AK5: variants seen among roughly 807,000 people sequenced by gnomAD.
AK5 encodes adenylate kinase isoenzyme 5.
A neutral mutation model predicts 69.5 loss-of-function variants in AK5; 27 were observed. The ratio of observed to expected loss-of-function variants is 0.39; its 90% CI spans 0.29 to 0.54. The LOEUF (loss-of-function observed/expected upper bound fraction) is 0.54. Among genes scored for constraint, AK5 ranks in the 20% least tolerant of loss-of-function variants. The pLI is 0.71. For synonymous variants in AK5, 260 were observed against 244.4 expected, an observed-to-expected ratio of 1.06 and a Z score of -0.60; for missense variants, 531 against 700.4, an observed-to-expected ratio of 0.76 and a Z score of 2.73.
intron 6 of AK5, among the ~76,000 whole-genome samples, chr1:77,392,484 C>T (rs1289072795): frequency 6.6e-6 from 1 of 152,184 alleles, no homozygotes; most frequent in Admixed American, 6.5e-5. Flanking sequence ...CTAATGTTTT[C>T]TTAAAGTGAG....
intron 10 of AK5, among the ~76,000 whole-genome samples, chr1:77,497,216 G>A (rs749678252): frequency 2.6e-5 from 4 of 152,156 alleles, no homozygotes; most frequent in African/African-American, 9.7e-5. Context: ...AACGCTCACT[G>A]CGAAGGTCTG....
intron 8 of AK5, among the ~76,000 whole-genome samples, chr1:77,473,377 C>T (rs1654640841): frequency 6.6e-6 from 1 of 152,102 alleles, no homozygotes; most frequent in Admixed American, 6.6e-5. Flanking sequence ...GACACCATGC[C>T]CAGCCTCAGA....
intron 5 of AK5, among the ~76,000 whole-genome samples, chr1:77,302,923 C>G (rs1166240881): frequency 6.6e-6 from 1 of 152,148 alleles, no homozygotes; most frequent in Admixed American, 6.5e-5. Flanking sequence ...AATGACATAA[C>G]AGGGGTTATC....
At chr1:77,342,096 C>T (rs1351430567) in intron 6 of AK5, among the ~76,000 whole-genome samples, 1 of 152,078 alleles carries the variant, frequency 6.6e-6, no homozygotes, top group Non-Finnish European at 1.5e-5. Flanking sequence ...GATGGGGTTT[C>T]ACCATGTTGG....
At chr1:77,433,352 G>C (rs1651764174) in intron 8 of AK5, among the ~76,000 whole-genome samples, 1 of 152,084 alleles carries the variant, frequency 6.6e-6, no homozygotes, top group Non-Finnish European at 1.5e-5. Context: ...AATATGTTTA[G>C]TTTTATCAAA....
At chr1:77,364,643 T>A (rs1162787420) in intron 6 of AK5, among the ~76,000 whole-genome samples, 2 of 152,212 alleles carry the variant, frequency 1.3e-5, no homozygotes, top group African/African-American at 4.8e-5. Context: ...TGTTCCTGGC[T>A]TATTTTACTT....
intron 6 of AK5, among the ~76,000 whole-genome samples, chr1:77,396,763 C>G (rs1207545746): frequency 6.6e-6 from 1 of 152,220 alleles, no homozygotes; most frequent in Non-Finnish European, 1.5e-5. Flanking sequence ...GACTTGAGTT[C>G]TTATCCAAGA....
chr1:77,557,367 G>A lies in AK5; in HGVS notation c.1621-1235G>A, dbSNP rs189466866. 218 of 205,038 alleles carry A rather than the reference G, an allele frequency of 1.1e-3. 1 individual carries two copies. Among genetic ancestry groups the A allele is most frequent in the African/African-American group, 4.8e-3 (206 of 43,170 alleles). The allele number at this position is 205,038 out of a possible 1,614,324, so 12.7% of individuals were successfully genotyped here. ...TAACCAACTTTACCAAAGTAACCTG[G>A]GTGACACTCATGGAAGTTGATGCAT... On this transcript the variant is annotated intron_variant, in intron 13 of 13. Transcript: ENST00000354567.
At chr1:77,526,603 G>A (rs909919523) in intron 12 of AK5, among the ~76,000 whole-genome samples, 21 of 145,434 alleles carry the variant, frequency 1.4e-4, no homozygotes, top group Non-Finnish European at 1.5e-5. Context: ...AGCCTCCCAA[G>A]TAGCTGGGAC....
intron 8 of AK5, among the ~76,000 whole-genome samples, chr1:77,455,776 C>T (rs1653446142): frequency 6.6e-6 from 1 of 152,106 alleles, no homozygotes; most frequent in Admixed American, 6.6e-5. Context: ...CACGTTCACG[C>T]CCCACCCCCA....
At chr1:77,461,674 G>T (rs1446673750) in intron 8 of AK5, among the ~76,000 whole-genome samples, 1 of 151,792 alleles carries the variant, frequency 6.6e-6, no homozygotes, top group Non-Finnish European at 1.5e-5. Flanking sequence ...GGAGGCTGAG[G>T]CAGGAGAATT....
chr1:77,376,454 A>AAC (rs1647255445), intron 6 of AK5, among the ~76,000 whole-genome samples: 1 of 144,972 alleles, frequency 6.9e-6, no homozygotes, highest in South Asian at 2.3e-4. Flanking sequence ...AAAAAAACAA[A>AAC]AAAAAAAAAC....
intron 5 of AK5, among the ~76,000 whole-genome samples, chr1:77,319,803 A>T (rs938226827): frequency 2.0e-5 from 3 of 152,240 alleles, no homozygotes; most frequent in Non-Finnish European, 4.4e-5. Context: ...TACTATTCTC[A>T]GATCCTACTG....
chr1:77,362,995 A>T (rs1646891203), intron 6 of AK5, among the ~76,000 whole-genome samples: 1 of 152,180 alleles, frequency 6.6e-6, no homozygotes, highest in South Asian at 2.1e-4. Flanking sequence ...ATTTACCCTC[A>T]TGTTTATAGA....
At chr1:77,298,286 A>G (rs1251921717) in intron 5 of AK5, among the ~76,000 whole-genome samples, 1 of 152,118 alleles carries the variant, frequency 6.6e-6, no homozygotes, top group African/African-American at 2.4e-5. Context: ...CAGGGATGCA[A>G]AACATTACCC....
chr1:77,336,385 C>G (rs1445045466), intron 5 of AK5, among the ~76,000 whole-genome samples: 1 of 152,008 alleles, frequency 6.6e-6, no homozygotes, highest in Admixed American at 6.6e-5. Context: ...TGGCCATAAC[C>G]CATATTTTAA....
chr1:77,283,363 A>C (rs1658171312), intron 1 of AK5: 1 of 985,312 alleles, frequency 1.0e-6, no homozygotes. Flanking sequence ...AAATCCATTC[A>C]CTGCAAACCT....
chr1:77,492,423 C>T (rs1304955594), intron 10 of AK5, among the ~76,000 whole-genome samples: 1 of 152,150 alleles, frequency 6.6e-6, no homozygotes, highest in Non-Finnish European at 1.5e-5. Flanking sequence ...TGCTAATAAC[C>T]TCTTAGTGTT....
At chr1:77,558,550 C>A (rs1660249905) in intron 13 of AK5, 52 bp from the exon 14 acceptor site, 5 of 1,169,194 alleles carry the variant, frequency 4.3e-6, no homozygotes, top group Non-Finnish European at 6.3e-6. Flanking sequence ...CATTATTAAA[C>A]ATGATTTACA....
Sources: allele counts gnomAD v4.1 joint callset (sites outside exome capture counted in the v4.1 genomes callset), GRCh38; gene constraint gnomAD v4.1.1; transcripts MANE v1.5; gene names NCBI Gene and HGNC (gene_info 2026-07-23, HGNC 2026-07-21).